Variants in MALRD1 observed in about 807,000 individuals in gnomAD.
The protein encoded by MALRD1 is MAM and LDL-receptor class A domain-containing protein 1.
Under a neutral mutation model 242.1 loss-of-function variants are expected in MALRD1, and 247 were observed. The ratio of observed to expected loss-of-function variants is 1.02; its 90% CI spans 0.92 to 1.13. The LOEUF (loss-of-function observed/expected upper bound fraction) is 1.13. MALRD1 is among the 50% of genes most tolerant of loss of function. MALRD1 has a pLI of 0.00. For synonymous variants in MALRD1, 995 were observed against 866.6 expected, an observed-to-expected ratio of 1.15 and a Z score of -2.60; for missense variants, 2,989 against 2,533.1, an observed-to-expected ratio of 1.18 and a Z score of -3.86.
chr10:19,437,527 T>C (rs1834398987), intron 28 of MALRD1, among the ~76,000 whole-genome samples: 1 of 152,082 alleles, frequency 6.6e-6, no homozygotes, highest in South Asian at 2.1e-4. Flanking sequence ...TTTTTGTTAT[T>C]GTTTCTCCTC....
At chr10:19,500,633 A>G (rs1031114381) in intron 31 of MALRD1, among the ~76,000 whole-genome samples, 2 of 152,238 alleles carry the variant, frequency 1.3e-5, no homozygotes, top group African/African-American at 2.4e-5. Context: ...CCTCTTTGAC[A>G]TAGAAGTCAA....
intron 21 of MALRD1, among the ~76,000 whole-genome samples, chr10:19,323,157 TGAGCTAAA>T (rs1294426188): frequency 4.6e-5 from 7 of 152,190 alleles, no homozygotes; most frequent in Non-Finnish European, 8.8e-5. Flanking sequence ...GAAGTGAAAC[TGAGCTAAA>T]TCAATATAGA....
intron 24 of MALRD1, among the ~76,000 whole-genome samples, chr10:19,342,075 AC>A (rs1843907709): frequency 6.6e-6 from 1 of 152,096 alleles, no homozygotes; most frequent in East Asian, 1.9e-4. Flanking sequence ...TATAATTGTT[AC>A]TTTTTGCAGT....
chr10:19,576,017 G>A (rs185983835), intron 33 of MALRD1, among the ~76,000 whole-genome samples: 275 of 152,286 alleles, frequency 1.8e-3, no homozygotes, highest in Non-Finnish European at 2.9e-3. Context: ...AATTGCAGTT[G>A]GGCTAACTTA....
At chr10:19,147,561 TTTACTTCTTTTTCTC>T (rs1341964827) in intron 11 of MALRD1, among the ~76,000 whole-genome samples, 1 of 152,212 alleles carries the variant, frequency 6.6e-6, no homozygotes, top group Admixed American at 6.5e-5. Context: ...CATATAATAT[TTTACTTCTTTTTCTC>T]TGTTCAAGCC....
At chr10:19,421,465 G>C (rs1026826729) in intron 28 of MALRD1, among the ~76,000 whole-genome samples, 25 of 152,118 alleles carry the variant, frequency 1.6e-4, no homozygotes, top group Non-Finnish European at 2.5e-4. Context: ...CTGGTTAGAG[G>C]CTGCAGTGAA....
chr10:19,107,204 C>T (rs758197520), intron 5 of MALRD1, among the ~76,000 whole-genome samples: 5 of 151,824 alleles, frequency 3.3e-5, no homozygotes, highest in African/African-American at 1.2e-4. Context: ...CTGAATTATC[C>T]GTCCATTGCT....
At chr10:19,406,576 G>C (rs1016195910) in intron 28 of MALRD1, among the ~76,000 whole-genome samples, 3 of 152,144 alleles carry the variant, frequency 2.0e-5, no homozygotes, top group Non-Finnish European at 4.4e-5. Context: ...TGTCATTTAG[G>C]AGATAATGTT....
intron 38 of MALRD1, among the ~76,000 whole-genome samples, chr10:19,701,074 G>A (rs1322312533): frequency 2.0e-5 from 3 of 152,160 alleles, no homozygotes; most frequent in Non-Finnish European, 4.4e-5. Flanking sequence ...GCTTGAGCCT[G>A]GGAGGTCAAG....
chr10:19,211,459 G>A (rs900641345), intron 18 of MALRD1, among the ~76,000 whole-genome samples: 9 of 151,908 alleles, frequency 5.9e-5, no homozygotes, highest in African/African-American at 1.5e-4. Flanking sequence ...CTGGGAGGCC[G>A]AGGCGGGAGG....
chr10:19,316,204 T>C (rs1353300961), intron 21 of MALRD1, among the ~76,000 whole-genome samples: 1 of 151,814 alleles, frequency 6.6e-6, no homozygotes, highest in Non-Finnish European at 1.5e-5. Context: ...ATTAACACTG[T>C]GTATTTACTT....
intron 28 of MALRD1, among the ~76,000 whole-genome samples, chr10:19,419,897 A>G (rs1402345489): frequency 6.6e-6 from 1 of 152,222 alleles, no homozygotes; most frequent in Non-Finnish European, 1.5e-5. Flanking sequence ...CTATTAGGAA[A>G]GGAAAAAAAT....
At chr10:19,063,843 A>G (rs944421072) in intron 1 of MALRD1, among the ~76,000 whole-genome samples, 10 of 152,096 alleles carry the variant, frequency 6.6e-5, no homozygotes, top group Admixed American at 6.6e-4. Context: ...ACCTAATGCT[A>G]AATGACGAGT....
At chr10:19,537,857 A>T (rs1834760198) in intron 32 of MALRD1, among the ~76,000 whole-genome samples, 2 of 152,222 alleles carry the variant, frequency 1.3e-5, no homozygotes, top group East Asian at 1.9e-4. Context: ...TCAACATGTG[A>T]ATCTTGGGGA....
intron 8 of MALRD1, among the ~76,000 whole-genome samples, chr10:19,132,190 A>G (rs1833136900): frequency 6.6e-6 from 1 of 152,238 alleles, no homozygotes; most frequent in African/African-American, 2.4e-5. Flanking sequence ...TTATTTTCAT[A>G]AAATGAAAAC....
At chr10:19,190,397 A>G (rs1564454922) in intron 14 of MALRD1, among the ~76,000 whole-genome samples, 3 of 152,140 alleles carry the variant, frequency 2.0e-5, no homozygotes, top group Non-Finnish European at 4.4e-5. Context: ...TACAGATTCG[A>G]TATAATCCCT....
chr10:19,113,725 G>A (rs118131033), intron 5 of MALRD1, among the ~76,000 whole-genome samples: 1 of 150,874 alleles, frequency 6.6e-6, no homozygotes, highest in East Asian at 2.0e-4. Context: ...TTTCTTGTGA[G>A]TTGAGGTTTC....
At chr10:19,160,209 A>G (rs1042822054) in intron 12 of MALRD1, among the ~76,000 whole-genome samples, 4 of 151,912 alleles carry the variant, frequency 2.6e-5, no homozygotes, top group African/African-American at 4.8e-5. Context: ...TTCTGCATCT[A>G]TTGAGATAAT....
At chr10:19,054,262 T>C (rs550489359) in intron 1 of MALRD1, among the ~76,000 whole-genome samples, 1 of 152,280 alleles carries the variant, frequency 6.6e-6, no homozygotes, top group East Asian at 1.9e-4. Context: ...TACTTTTAAT[T>C]GACAAGTTAT....
Sources: gnomAD v4.1 joint callset for allele counts (sites outside exome capture counted in the v4.1 genomes callset) on GRCh38, gnomAD v4.1.1 for gene constraint, MANE v1.5 for transcripts, NCBI Gene and HGNC (gene_info 2026-07-23, HGNC 2026-07-21) for gene names.